UCHL1: variants seen among roughly 807,000 people sequenced by gnomAD.
UCHL1 encodes the protein ubiquitin carboxyl-terminal hydrolase isozyme L1.
Under a neutral mutation model 33.3 loss-of-function variants are expected in UCHL1, and 5 were observed. That is an observed-to-expected ratio of 0.15 (90% confidence interval 0.08 to 0.32). The LOEUF (loss-of-function observed/expected upper bound fraction) is 0.32, where lower values mean the gene tolerates loss of function less well. Among genes scored for constraint, UCHL1 ranks in the 10% least tolerant of loss-of-function variants. The pLI, the probability that UCHL1 is intolerant of heterozygous loss-of-function variation, is 1.00. For missense variants in UCHL1, 236 were observed against 280.0 expected (o/e 0.84, Z 1.12); for synonymous variants, 132 against 108.8 (o/e 1.21, Z -1.33).
chr4:41,258,362 A>G (rs1453934291), intron 3 of UCHL1, among the ~76,000 whole-genome samples: 2 of 152,194 alleles, frequency 1.3e-5, no homozygotes, highest in African/African-American at 4.8e-5. Context: ...CTCTTCACTT[A>G]TCCTTGTTCA....
chr4:41,265,953 C>A (rs1230030166), intron 8 of UCHL1, among the ~76,000 whole-genome samples: 1 of 152,212 alleles, frequency 6.6e-6, no homozygotes, highest in Admixed American at 6.5e-5. Flanking sequence ...AGGAAAGAGA[C>A]CCTGGTCCTT....
Position 41,257,410 on chromosome 4 carries a change from C to G in UCHL1, c.46-199C>G, listed in dbSNP as rs143327054. On this transcript the variant is annotated intron_variant, in intron 2 of 8. Coordinates refer to ENST00000284440, the MANE Select transcript of UCHL1 (RefSeq NM_004181.5). ...GGCAGCACAGACTCGGCTGCACGGG[C>G]TTCGCGGGCGCCACGTGTGGGCCGC... 2.1e-3 allele frequency: 1,903 copies of G among 909,270 alleles called. 35 individuals carry two copies. The African/African-American group carries it at 0.028, about 13-fold the overall frequency. The allele number at this position is 909,270 out of a possible 1,614,324, so 56.3% of individuals were successfully genotyped here.
At chr4:41,258,693 G>A (rs994363929) in intron 3 of UCHL1, among the ~76,000 whole-genome samples, 6 of 152,168 alleles carry the variant, frequency 3.9e-5, no homozygotes, top group African/African-American at 1.4e-4. Context: ...ACCGTCCTAA[G>A]GCTAGGTGTT....
chr4:41,257,461 C>A, intron 2 of UCHL1, 148 bp from the exon 3 acceptor site: 1 of 1,147,734 alleles, frequency 8.7e-7, no homozygotes, highest in Non-Finnish European at 1.1e-6. Flanking sequence ...ATTGCGCCGG[C>A]CCGGGTGGGG....
intron 2 of UCHL1, 65 bp downstream of exon 2, chr4:41,257,191 C>A: frequency 6.2e-7 from 1 of 1,609,916 alleles, no homozygotes; most frequent in Non-Finnish European, 8.5e-7. Flanking sequence ...GGGCGCCCAC[C>A]GGTTCCGGCT....
intron 8 of UCHL1, 32 bp downstream of exon 8, chr4:41,264,193 G>A (rs1197048183): frequency 6.2e-7 from 1 of 1,613,632 alleles, no homozygotes; most frequent in Non-Finnish European, 8.5e-7. Flanking sequence ...TTCTTAATGT[G>A]CCTCACAATT....
At chr4:41,257,864 G>C in intron 3 of UCHL1, 127 bp downstream of exon 3, 1 of 1,382,150 alleles carries the variant, frequency 7.2e-7, no homozygotes, top group Non-Finnish European at 9.5e-7. Context: ...ACAAGGAAGG[G>C]AGGAGCCTGC....
At chr4:41,263,690 A>G (rs1228272012) in intron 7 of UCHL1, among the ~76,000 whole-genome samples, 2 of 152,242 alleles carry the variant, frequency 1.3e-5, no homozygotes, top group African/African-American at 4.8e-5. Context: ...GTCTCAAGCC[A>G]AGATACGACC....
At chr4:41,261,483 AG>A (rs149795214) in intron 4 of UCHL1, among the ~76,000 whole-genome samples, 1 of 152,298 alleles carries the variant, frequency 6.6e-6, no homozygotes, top group African/African-American at 2.4e-5. Context: ...AACAGAGGCA[AG>A]AAAGAGCTTG....
intron 1 of UCHL1, 40 bp downstream of exon 1, chr4:41,257,049 CGAGG>C (rs1780986022): frequency 6.2e-7 from 1 of 1,613,672 alleles, no homozygotes; most frequent in Non-Finnish European, 8.5e-7. Context: ...AGCGCGAGGC[CGAGG>C]GAGGGGGAGC....
At chr4:41,259,678 T>C (rs192275958) in intron 3 of UCHL1, among the ~76,000 whole-genome samples, 1 of 152,328 alleles carries the variant, frequency 6.6e-6, no homozygotes, top group Non-Finnish European at 1.5e-5. Flanking sequence ...TTCTATAGTG[T>C]TAGTACCCTA....
chr4:41,257,462 C>T, intron 2 of UCHL1, 147 bp from the exon 3 acceptor site: 1 of 1,150,900 alleles, frequency 8.7e-7, no homozygotes, highest in Non-Finnish European at 1.1e-6. Flanking sequence ...TTGCGCCGGC[C>T]CGGGTGGGGG....
chr4:41,263,886 G>A (rs560131790), intron 7 of UCHL1, among the ~76,000 whole-genome samples: 1 of 152,358 alleles, frequency 6.6e-6, no homozygotes, highest in South Asian at 2.1e-4. Flanking sequence ...GCTGACTTGA[G>A]CTTGTGCGAT....
chr4:41,256,970 C>A lies in UCHL1; in HGVS notation c.-7C>A, dbSNP rs757111252. 84 of 1,614,058 alleles carry A rather than the reference C, an allele frequency of 5.2e-5. No individual in the cohort carries two copies. Among genetic ancestry groups the A allele is most frequent in the Non-Finnish European group, 6.8e-5 (80 of 1,180,028 alleles). Reference sequence around the variant, plus strand: ...CCTAGGCTATTTCTGCCGGGCGCTCCGCGAAGATGCAGCTCAAGCCGATGG... The same window carrying A: ...CCTAGGCTATTTCTGCCGGGCGCTCAGCGAAGATGCAGCTCAAGCCGATGG... On this transcript the variant is annotated 5_prime_UTR_variant, in exon 1 of 9. Coordinates refer to ENST00000284440, the MANE Select transcript of UCHL1 (RefSeq NM_004181.5).
At chr4:41,257,478 G>A in intron 2 of UCHL1, 131 bp from the exon 3 acceptor site, 1 of 1,242,618 alleles carries the variant, frequency 8.0e-7, no homozygotes. Context: ...GGGGGTGGCA[G>A]GGCGGGACTG....
Position 41,257,591 on chromosome 4 carries a change from C to T in UCHL1, c.46-18C>T. On this transcript the variant is annotated intron_variant, in intron 2 of 8. Transcript: ENST00000284440. ...CGCGTGTCCCCGTGCGCCTGGCCGCCTTGTCTCCTCTCCGCAGGTGCTGTC... is the reference window on the plus strand; with the variant it reads ...CGCGTGTCCCCGTGCGCCTGGCCGCTTTGTCTCCTCTCCGCAGGTGCTGTC... 2 of 1,509,156 alleles carry T rather than the reference C, an allele frequency of 1.3e-6. No individual in the cohort carries two copies. The highest frequency in any genetic ancestry group is 1.2e-5 in the South Asian group (1 of 80,584). 93.5% of individuals were successfully genotyped at this position (1,509,156 alleles called of 1,614,324 possible).
At chr4:41,263,484 C>G (rs1272156892) in intron 7 of UCHL1, among the ~76,000 whole-genome samples, 193 bp downstream of exon 7, 1 of 151,732 alleles carries the variant, frequency 6.6e-6, no homozygotes, top group Non-Finnish European at 1.5e-5. Context: ...AACTGACTAG[C>G]ATCCCCTAGT....
intron 2 of UCHL1, 69 bp downstream of exon 2, chr4:41,257,195 T>G: frequency 4.3e-6 from 7 of 1,609,464 alleles, no homozygotes; most frequent in Middle Eastern, 2.3e-4. Flanking sequence ...GCCCACCGGT[T>G]CCGGCTGCTG....
intron 3 of UCHL1, 58 bp from the exon 4 acceptor site, chr4:41,260,589 T>C: frequency 1.3e-6 from 2 of 1,593,668 alleles, no homozygotes; most frequent in Non-Finnish European, 1.7e-6. Flanking sequence ...ACTCATGTGC[T>C]GCCATCTGTT....
Sources: allele counts gnomAD v4.1 joint callset (sites outside exome capture counted in the v4.1 genomes callset), GRCh38; gene constraint gnomAD v4.1.1; transcripts MANE v1.5; gene names NCBI Gene and HGNC (gene_info 2026-07-23, HGNC 2026-07-21).